APBA1: variants seen among roughly 807,000 people sequenced by gnomAD.
APBA1 encodes the protein amyloid beta precursor protein binding family A member 1, also known as amyloid-beta A4 precursor protein-binding family A member 1.
APBA1 carries 55 observed loss-of-function variants against 86.6 expected under a neutral mutation model. That is an observed-to-expected ratio of 0.64 (90% CI 0.51 to 0.80). APBA1 has a LOEUF of 0.80. APBA1 is among the 30% of genes least tolerant of loss of function. The probability of loss-of-function intolerance (pLI) is 0.00; values close to 1 mark genes in which losing one functional copy is unlikely to be tolerated. For synonymous variants in APBA1, 511 were observed against 493.9 expected, an observed-to-expected ratio of 1.03 and a Z score of -0.46; for missense variants, 1,090 against 1,183.0, an observed-to-expected ratio of 0.92 and a Z score of 1.15.
chr9:69,543,108 A>G (rs747917993), intron 1 of APBA1, among the ~76,000 whole-genome samples: 2 of 152,238 alleles, frequency 1.3e-5, no homozygotes, highest in Non-Finnish European at 2.9e-5. Flanking sequence ...CCAATTAGTT[A>G]GGGTTCCTTA....
intron 1 of APBA1, among the ~76,000 whole-genome samples, chr9:69,539,761 A>G (rs1474521591): frequency 6.6e-6 from 1 of 152,004 alleles, no homozygotes; most frequent in Non-Finnish European, 1.5e-5. Context: ...CTCTGCCTCT[A>G]CTGATCTTCT....
chr9:69,450,926 G>C (rs1243105634), intron 9 of APBA1, among the ~76,000 whole-genome samples: 1 of 152,124 alleles, frequency 6.6e-6, no homozygotes, highest in Non-Finnish European at 1.5e-5. Flanking sequence ...GAAAGGCTTG[G>C]AACAGATTCT....
chr9:69,499,087 G>C (rs1231892681), intron 2 of APBA1, among the ~76,000 whole-genome samples: 1 of 152,070 alleles, frequency 6.6e-6, no homozygotes, highest in Non-Finnish European at 1.5e-5. Context: ...TAAAGGGTAT[G>C]CCAGCCCCAT....
intron 1 of APBA1, among the ~76,000 whole-genome samples, chr9:69,661,380 A>C (rs572890333): frequency 6.6e-6 from 1 of 152,136 alleles, no homozygotes; most frequent in Non-Finnish European, 1.5e-5. Context: ...TTCATATTTT[A>C]TTTGACCCCA....
chr9:69,510,568 C>G (rs1420339124), intron 2 of APBA1, among the ~76,000 whole-genome samples: 1 of 139,428 alleles, frequency 7.2e-6, no homozygotes, highest in Non-Finnish European at 1.5e-5. Flanking sequence ...TTGGAAAAAA[C>G]TACTTTAAAG....
chr9:69,544,470 T>A (rs958901415), intron 1 of APBA1, among the ~76,000 whole-genome samples: 2 of 152,214 alleles, frequency 1.3e-5, no homozygotes, highest in Non-Finnish European at 2.9e-5. Flanking sequence ...GACAGGTTCA[T>A]GATAATATAA....
chr9:69,574,451 A>G (rs1345051568), intron 1 of APBA1, among the ~76,000 whole-genome samples: 1 of 152,132 alleles, frequency 6.6e-6, no homozygotes, highest in Non-Finnish European at 1.5e-5. Context: ...ATAGACTTGG[A>G]TTAATAAATT....
chr9:69,657,578 A>G (rs1474484292), intron 1 of APBA1, among the ~76,000 whole-genome samples: 1 of 152,252 alleles, frequency 6.6e-6, no homozygotes, highest in East Asian at 1.9e-4. Context: ...TGATTACAAC[A>G]GACTGTAACT....
chr9:69,594,793 T>A (rs1822197741), intron 1 of APBA1, among the ~76,000 whole-genome samples: 1 of 152,146 alleles, frequency 6.6e-6, no homozygotes, highest in Non-Finnish European at 1.5e-5. Context: ...CCCAAGCCAA[T>A]CATACAACAC....
At position 69,517,012 on chromosome 9, in the gene APBA1, C is replaced by T; in HGVS notation, c.199G>A (p.Glu67Lys). 1 of 1,578,370 alleles carries T rather than the reference C, an allele frequency of 6.3e-7. No homozygotes were observed. The change falls in exon 2 of 13, where the codon GAG becomes AAG. Residue 67 changes from glutamate to lysine, a missense_variant. Physicochemically the swap from Glu to Lys is moderately conservative, Grantham distance 56. This residue lies in a region of APBA1 where 678 missense variants were observed against 647.1 expected (regional missense o/e 1.05). Transcript: ENST00000265381. ...AGGCATTCCCCGCGCTCCTCTTCCT[C>T]CTGGCCGAGCTGGGCGCGGAGGTCC... ...LEDLRAQLGQ[E>K]EEERGECLAR...
chr9:69,637,300 T>TC (rs1823199405), intron 1 of APBA1, among the ~76,000 whole-genome samples: 1 of 152,168 alleles, frequency 6.6e-6, no homozygotes, highest in African/African-American at 2.4e-5. Flanking sequence ...ATCTAGTGTT[T>TC]GATAGTACAA....
At chr9:69,583,072 G>T (rs1434293354) in intron 1 of APBA1, among the ~76,000 whole-genome samples, 2 of 152,186 alleles carry the variant, frequency 1.3e-5, no homozygotes, top group Non-Finnish European at 2.9e-5. Flanking sequence ...TTGTCTATGA[G>T]GAACATCTGA....
chr9:69,519,090 C>G (rs1022838056), intron 1 of APBA1, among the ~76,000 whole-genome samples: 7 of 152,208 alleles, frequency 4.6e-5, no homozygotes, highest in Admixed American at 2.6e-4. Context: ...TGGGCTCCTC[C>G]CATTAACTCC....
chr9:69,668,392 G>A (rs1823882781), intron 1 of APBA1, among the ~76,000 whole-genome samples: 1 of 152,110 alleles, frequency 6.6e-6, no homozygotes, highest in Non-Finnish European at 1.5e-5. Flanking sequence ...GACTGTTCAA[G>A]CTCCTCAGAT....
chr9:69,512,602 T>G (rs751285799), intron 2 of APBA1, among the ~76,000 whole-genome samples: 19 of 152,196 alleles, frequency 1.2e-4, no homozygotes, highest in Non-Finnish European at 2.5e-4. Flanking sequence ...TTGTTAAAAC[T>G]TTATCTGTGC....
chr9:69,642,659 G>C (rs770976148), intron 1 of APBA1, among the ~76,000 whole-genome samples: 2 of 152,048 alleles, frequency 1.3e-5, no homozygotes, highest in Non-Finnish European at 2.9e-5. Flanking sequence ...GAGAGAGATA[G>C]AGAGAAATAA....
chr9:69,649,003 G>T (rs1024828581), intron 1 of APBA1, among the ~76,000 whole-genome samples: 1 of 152,122 alleles, frequency 6.6e-6, no homozygotes, highest in African/African-American at 2.4e-5. Flanking sequence ...CAGAACCTGG[G>T]AGTCATCCTT....
intron 1 of APBA1, among the ~76,000 whole-genome samples, chr9:69,599,406 T>C (rs1369621471): frequency 6.6e-6 from 1 of 152,212 alleles, no homozygotes; most frequent in African/African-American, 2.4e-5. Flanking sequence ...GGGTCCTCAA[T>C]GGGACTGAGG....
intron 5 of APBA1, among the ~76,000 whole-genome samples, chr9:69,458,808 CTTTTT>C (rs533176322): frequency 7.1e-6 from 1 of 140,482 alleles, no homozygotes; most frequent in Non-Finnish European, 1.6e-5. Flanking sequence ...CTTTTCTTTT[CTTTTT>C]TTTTTTTTCT....
Sources: allele counts gnomAD v4.1 joint callset (sites outside exome capture counted in the v4.1 genomes callset), GRCh38; gene constraint gnomAD v4.1.1; regional missense constraint gnomAD v4.1.1; transcripts MANE v1.5; gene names NCBI Gene and HGNC (gene_info 2026-07-23, HGNC 2026-07-21).